PTPRD: variants seen among roughly 807,000 people sequenced by gnomAD.
The protein encoded by PTPRD is protein tyrosine phosphatase receptor type D, also known as receptor-type tyrosine-protein phosphatase delta.
A neutral mutation model predicts 214.5 loss-of-function variants in PTPRD; 34 were observed. The ratio of observed to expected loss-of-function variants is 0.16; its 90% CI spans 0.12 to 0.21. PTPRD has a LOEUF of 0.21. Ranked by LOEUF, PTPRD falls within the 10% of genes least tolerant of loss-of-function variation. The probability of loss-of-function intolerance (pLI) is 1.00; values close to 1 mark genes in which losing one functional copy is unlikely to be tolerated. For missense variants in PTPRD, 2,545 were observed against 2,398.7 expected, an observed-to-expected ratio of 1.06 and a Z score of -1.27; for synonymous variants, 1,128 against 845.7, an observed-to-expected ratio of 1.33 and a Z score of -5.79.
chr9:10,424,629 A>G (rs1363768045), intron 2 of PTPRD, among the ~76,000 whole-genome samples: 2 of 151,938 alleles, frequency 1.3e-5, no homozygotes, highest in African/African-American at 4.8e-5. Context: ...AAACCATGAC[A>G]GGGATGTATG....
intron 4 of PTPRD, among the ~76,000 whole-genome samples, chr9:9,961,812 C>A (rs2094386097): frequency 6.6e-6 from 1 of 151,958 alleles, no homozygotes; most frequent in South Asian, 2.1e-4. Context: ...AAGTCACAGT[C>A]CATTAAAATG....
chr9:8,865,201 A>C (rs1434833987), intron 11 of PTPRD, among the ~76,000 whole-genome samples: 1 of 152,146 alleles, frequency 6.6e-6, no homozygotes, highest in Non-Finnish European at 1.5e-5. Flanking sequence ...AATTTTTCAG[A>C]AAGAACAAAT....
chr9:8,834,108 C>T (rs7026618), intron 11 of PTPRD, among the ~76,000 whole-genome samples: 15,739 of 151,958 alleles, frequency 0.1, 867 homozygotes, highest in African/African-American at 0.13. Context: ...TAATGAATTT[C>T]TTCCCTTCAT....
intron 9 of PTPRD, among the ~76,000 whole-genome samples, chr9:9,340,550 T>C (rs755208261): frequency 6.6e-6 from 1 of 152,204 alleles, no homozygotes; most frequent in Non-Finnish European, 1.5e-5. Flanking sequence ...TCTATCCCCA[T>C]GCAATATATT....
intron 8 of PTPRD, among the ~76,000 whole-genome samples, chr9:9,429,673 T>G (rs142497908): frequency 0.33 from 50,353 of 152,004 alleles, 8,718 homozygotes; most frequent in Middle Eastern, 0.43. Context: ...GCAAACCGAA[T>G]CCAGCAGCAC....
chr9:8,457,980 A>T (rs188895014), intron 33 of PTPRD, among the ~76,000 whole-genome samples: 1 of 152,238 alleles, frequency 6.6e-6, no homozygotes, highest in African/African-American at 2.4e-5. Flanking sequence ...ATAATCAAGA[A>T]GGACATTGTT....
At chr9:8,433,795 T>C (rs1446130232) in intron 35 of PTPRD, among the ~76,000 whole-genome samples, 1 of 152,200 alleles carries the variant, frequency 6.6e-6, no homozygotes, top group East Asian at 1.9e-4. Flanking sequence ...GTTAATCTAC[T>C]ATTGAAATAA....
At chr9:9,404,766 G>C (rs1179819542) in intron 8 of PTPRD, among the ~76,000 whole-genome samples, 2 of 152,082 alleles carry the variant, frequency 1.3e-5, no homozygotes, top group Non-Finnish European at 2.9e-5. Context: ...GGGAATTGGA[G>C]AGTACATAGG....
chr9:8,830,216 G>C (rs2097260758), intron 11 of PTPRD, among the ~76,000 whole-genome samples: 1 of 152,120 alleles, frequency 6.6e-6, no homozygotes, highest in African/African-American at 2.4e-5. Flanking sequence ...CTTACAAGGG[G>C]AGAGCCTGAG....
intron 8 of PTPRD, among the ~76,000 whole-genome samples, chr9:9,527,442 TACTA>T (rs1368270093): frequency 1.3e-5 from 2 of 152,324 alleles, no homozygotes; most frequent in East Asian, 1.9e-4. Flanking sequence ...AAATGTTTGG[TACTA>T]ACTGTCTCTT....
intron 8 of PTPRD, among the ~76,000 whole-genome samples, chr9:9,406,275 T>G (rs1290903219): frequency 6.6e-6 from 1 of 151,972 alleles, no homozygotes. Flanking sequence ...ACTTTCAAAA[T>G]CTGCCTTCTT....
intron 7 of PTPRD, among the ~76,000 whole-genome samples, chr9:9,654,037 C>G (rs1229746996): frequency 6.6e-6 from 1 of 152,054 alleles, no homozygotes; most frequent in Non-Finnish European, 1.5e-5. Flanking sequence ...AAATTGAAAC[C>G]TCACAAGACC....
At chr9:8,986,567 A>G (rs761826522) in intron 11 of PTPRD, among the ~76,000 whole-genome samples, 2 of 152,078 alleles carry the variant, frequency 1.3e-5, no homozygotes, top group Non-Finnish European at 2.9e-5. Flanking sequence ...AAATAAATAT[A>G]TAGAGTTATA....
chr9:10,512,766 T>A (rs73394399), intron 2 of PTPRD, among the ~76,000 whole-genome samples: 2 of 152,114 alleles, frequency 1.3e-5, no homozygotes, highest in South Asian at 2.1e-4. Flanking sequence ...ACAAAAGGTT[T>A]GATAAGCACA....
chr9:10,130,714 A>ACTTCTGAAC (rs368694152), intron 3 of PTPRD, among the ~76,000 whole-genome samples: 5 of 152,168 alleles, frequency 3.3e-5, no homozygotes, highest in South Asian at 2.1e-4. Context: ...AAGTAATAAC[A>ACTTCTGAAC]CTTCTGAACA....
At chr9:9,640,851 T>A (rs1334210250) in intron 7 of PTPRD, among the ~76,000 whole-genome samples, 11 of 152,222 alleles carry the variant, frequency 7.2e-5, no homozygotes, top group Admixed American at 7.2e-4. Context: ...GAGGTCATTG[T>A]AAATAACGGA....
chr9:8,548,210 T>C (rs2080845022), intron 14 of PTPRD, among the ~76,000 whole-genome samples: 1 of 152,126 alleles, frequency 6.6e-6, no homozygotes, highest in African/African-American at 2.4e-5. Context: ...CAAGGTGAAA[T>C]GCGGTCACTG....
At chr9:9,186,304 T>C (rs1156978884) in intron 9 of PTPRD, among the ~76,000 whole-genome samples, 2 of 152,108 alleles carry the variant, frequency 1.3e-5, no homozygotes, top group Non-Finnish European at 2.9e-5. Flanking sequence ...CTGGTTGTTA[T>C]GGCTGAGGAA....
chr9:9,583,113 T>C (rs1440265691), intron 7 of PTPRD, among the ~76,000 whole-genome samples: 1 of 152,080 alleles, frequency 6.6e-6, no homozygotes, highest in Non-Finnish European at 1.5e-5. Flanking sequence ...TGAATATCTG[T>C]TCCTAAATTA....
Sources: allele counts gnomAD v4.1 joint callset (sites outside exome capture counted in the v4.1 genomes callset), GRCh38; gene constraint gnomAD v4.1.1; transcripts MANE v1.5; gene names NCBI Gene and HGNC (gene_info 2026-07-23, HGNC 2026-07-21).